The following PTPRN2 variants were observed in gnomAD, a reference collection of about 807,000 sequenced individuals.
PTPRN2 encodes the protein protein tyrosine phosphatase receptor type N2.
Under a neutral mutation model 118.8 loss-of-function variants are expected in PTPRN2, and 74 were observed. The observed-to-expected ratio is 0.62, with a 90% confidence interval of 0.52 to 0.76. The LOEUF (loss-of-function observed/expected upper bound fraction) is 0.76. PTPRN2 is among the 30% of genes least tolerant of loss of function. The probability of loss-of-function intolerance (pLI) is 0.00; values close to 1 mark genes in which losing one functional copy is unlikely to be tolerated. For missense variants in PTPRN2, 1,481 were observed against 1,394.4 expected, an observed-to-expected ratio of 1.06 and a Z score of -0.99; for synonymous variants, 641 against 608.0, an observed-to-expected ratio of 1.05 and a Z score of -0.80.
At chr7:157,544,534 C>A (rs1021358279) in intron 22 of PTPRN2, among the ~76,000 whole-genome samples, 13 of 152,094 alleles carry the variant, frequency 8.5e-5, no homozygotes. Context: ...GAGGGGCCTC[C>A]CGTCCAGTGA....
intron 2 of PTPRN2, among the ~76,000 whole-genome samples, chr7:158,345,158 C>G (rs1807407586): frequency 6.6e-6 from 1 of 152,164 alleles, no homozygotes; most frequent in African/African-American, 2.4e-5. Flanking sequence ...ATGGTCTAGG[C>G]CTATGTCTGC....
At chr7:158,505,763 G>A (rs1822702129) in intron 1 of PTPRN2, among the ~76,000 whole-genome samples, 1 of 152,066 alleles carries the variant, frequency 6.6e-6, no homozygotes, top group Non-Finnish European at 1.5e-5. Flanking sequence ...CCTCACTCCT[G>A]GAACCCTGAT....
intron 14 of PTPRN2, among the ~76,000 whole-genome samples, chr7:157,638,072 T>C: frequency 6.6e-6 from 1 of 152,230 alleles, no homozygotes; most frequent in East Asian, 1.9e-4. Flanking sequence ...ACCCACAGGC[T>C]ATATGCACAT....
At chr7:157,998,838 C>T (rs957911947) in intron 11 of PTPRN2, among the ~76,000 whole-genome samples, 5 of 142,392 alleles carry the variant, frequency 3.5e-5, no homozygotes, top group African/African-American at 1.1e-4. Flanking sequence ...AAAAAAAAAA[C>T]TCTACTTCAA....
intron 2 of PTPRN2, among the ~76,000 whole-genome samples, chr7:158,322,668 C>T (rs975756005): frequency 6.6e-6 from 1 of 152,248 alleles, no homozygotes; most frequent in Non-Finnish European, 1.5e-5. Flanking sequence ...CCTTGCAGTT[C>T]TGGATCAGGC....
intron 2 of PTPRN2, among the ~76,000 whole-genome samples, chr7:158,442,712 A>G (rs1817434792): frequency 1.3e-5 from 2 of 152,230 alleles, no homozygotes; most frequent in Admixed American, 1.3e-4. Flanking sequence ...CTTCTGCACC[A>G]CCCAGCCATG....
At chr7:157,821,486 C>A (rs556961128) in intron 12 of PTPRN2, among the ~76,000 whole-genome samples, 2 of 152,096 alleles carry the variant, frequency 1.3e-5, no homozygotes, top group Non-Finnish European at 1.5e-5. Context: ...GAAAGAGCAG[C>A]CAGAGACATC....
At chr7:158,091,867 T>G in intron 10 of PTPRN2, among the ~76,000 whole-genome samples, 1 of 121,764 alleles carries the variant, frequency 8.2e-6, no homozygotes, top group Non-Finnish European at 1.7e-5. Flanking sequence ...GGTAGAGAGA[T>G]GGGTGGGTGG....
chr7:158,129,650 G>A (rs1198646075), intron 9 of PTPRN2, among the ~76,000 whole-genome samples: 3 of 152,092 alleles, frequency 2.0e-5, no homozygotes, highest in Non-Finnish European at 4.4e-5. Flanking sequence ...GTTTCCTAGG[G>A]AGGGAGACGT....
At chr7:158,256,391 C>A (rs1797021093) in intron 3 of PTPRN2, among the ~76,000 whole-genome samples, 1 of 152,192 alleles carries the variant, frequency 6.6e-6, no homozygotes, top group Admixed American at 6.5e-5. Flanking sequence ...GTCACGTGCA[C>A]CCTTGGAGCA....
intron 11 of PTPRN2, among the ~76,000 whole-genome samples, chr7:158,044,117 A>T (rs888593637): frequency 7.2e-5 from 11 of 152,256 alleles, no homozygotes; most frequent in African/African-American, 2.4e-4. Context: ...AGGGTGTTTC[A>T]GATAAAAAAA....
intron 11 of PTPRN2, among the ~76,000 whole-genome samples, chr7:157,938,800 C>T (rs1307369490): frequency 6.6e-6 from 1 of 152,178 alleles, no homozygotes; most frequent in African/African-American, 2.4e-5. Context: ...GGTGTTGGTG[C>T]TTATGTAGGA....
chr7:158,038,337 A>G (rs1808223141), intron 11 of PTPRN2, among the ~76,000 whole-genome samples: 1 of 152,212 alleles, frequency 6.6e-6, no homozygotes, highest in African/African-American at 2.4e-5. Context: ...GGGCCAGGAC[A>G]ACTCCCTATC....
chr7:158,557,278 G>A (rs1827096902), intron 1 of PTPRN2, among the ~76,000 whole-genome samples: 1 of 138,952 alleles, frequency 7.2e-6, no homozygotes, highest in Non-Finnish European at 1.5e-5. Flanking sequence ...CGCAGGTCAG[G>A]CGGCTCCTGT....
chr7:158,228,222 G>A (rs1828941359), intron 3 of PTPRN2, among the ~76,000 whole-genome samples: 1 of 152,022 alleles, frequency 6.6e-6, no homozygotes, highest in African/African-American at 2.4e-5. Context: ...TCAATGACTG[G>A]GATGCAAATA....
chr7:158,337,120 C>A (rs1359354548), intron 2 of PTPRN2, among the ~76,000 whole-genome samples: 3 of 152,044 alleles, frequency 2.0e-5, no homozygotes, highest in African/African-American at 7.2e-5. Flanking sequence ...GAGCTGAGGC[C>A]CACAGAGGTC....
rs555498300 is a variant in PTPRN2 at position 158,458,660 on chromosome 7, C to T, written c.163+31075G>A. On this transcript the variant is annotated intron_variant, in intron 2 of 22. Transcript: ENST00000389418. ...CCATGATCGTCCCCACTGCACACCT[C>T]GGAGAGCTGAAAGTTGCACAGTTAT... Among the ~76,000 whole-genome samples, 197 of 152,286 alleles carry T rather than the reference C, an allele frequency of 1.3e-3. 2 individuals are homozygous for T. Among genetic ancestry groups the T allele is most frequent in the African/African-American group, 4.5e-3 (188 of 41,548 alleles).
At chr7:157,928,422 G>T (rs1295365068) in intron 11 of PTPRN2, among the ~76,000 whole-genome samples, 3 of 152,184 alleles carry the variant, frequency 2.0e-5, no homozygotes, top group East Asian at 3.9e-4. Context: ...TGGGGCCAAA[G>T]AGAAAAATGG....
chr7:157,782,855 T>G (rs1435267596), intron 12 of PTPRN2, among the ~76,000 whole-genome samples: 2 of 152,236 alleles, frequency 1.3e-5, no homozygotes, highest in Non-Finnish European at 2.9e-5. Context: ...CAGAATGTGC[T>G]GGCTGCTTGA....
Sources: allele counts gnomAD v4.1 joint callset (sites outside exome capture counted in the v4.1 genomes callset), GRCh38; gene constraint gnomAD v4.1.1; transcripts MANE v1.5; gene names NCBI Gene and HGNC (gene_info 2026-07-23, HGNC 2026-07-21).